Variants in DIP2C observed in about 807,000 individuals in gnomAD.
The protein encoded by DIP2C is DIP2 acetate--CoA ligase C (putative).
DIP2C carries 33 observed loss-of-function variants against 192.4 expected under a neutral mutation model. The observed-to-expected ratio is 0.17, with a 90% CI of 0.13 to 0.23. DIP2C has a LOEUF of 0.23. DIP2C is among the 10% of genes least tolerant of loss of function. The probability of loss-of-function intolerance (pLI) is 1.00; values close to 1 mark genes in which losing one functional copy is unlikely to be tolerated. For synonymous variants in DIP2C, 979 were observed against 864.1 expected (o/e 1.13, Z -2.33); for missense variants, 1,537 against 2,110.1 (o/e 0.73, Z 5.32).
Position 281,328 on chromosome 10 carries a change from G to A in DIP2C, c.4295-5C>T. On this transcript the variant is annotated splice_polypyrimidine_tract_variant and splice_region_variant and intron_variant, in intron 35 of 36. Transcript: ENST00000280886. ...CGTAGAGGGCATCATGGCGCTCTGT[G>A]GAGTAATGACAGCCTGCGTAAGCTT... 6.2e-7 allele frequency: 1 copy of A among 1,606,150 alleles called. No homozygotes were observed. The highest frequency in any genetic ancestry group is 1.1e-5 in the South Asian group (1 of 90,646).
Position 480,847 on chromosome 10 carries a change from G to A in DIP2C, c.157+5612C>T, listed in dbSNP as rs376813772. On this transcript the variant is annotated intron_variant, in intron 2 of 36. Coordinates refer to ENST00000280886, the MANE Select transcript of DIP2C (RefSeq NM_014974.3). The stretch of plus-strand genomic sequence containing the variant: ...GGAGCACGGCTGATCTGGAACACAG[G>A]TGATTCACCTGTCACTACAGCAACG... 5.9e-5 allele frequency among the ~76,000 whole-genome samples: 9 copies of A among 152,344 alleles called. No homozygotes were observed. The East Asian group carries it at 1.2e-3, about 20-fold the overall frequency.
intron 1 of DIP2C, among the ~76,000 whole-genome samples, chr10:534,372 A>G (rs2130873813): frequency 6.6e-6 from 1 of 152,358 alleles, no homozygotes; most frequent in Non-Finnish European, 1.5e-5. Flanking sequence ...GGAGGGAAGC[A>G]GCCTGGGTCC....
chr10:383,159 C>T (rs1486501113), intron 16 of DIP2C, among the ~76,000 whole-genome samples: 2 of 152,150 alleles, frequency 1.3e-5, no homozygotes, highest in African/African-American at 4.8e-5. Flanking sequence ...AAACTATCTC[C>T]AAATATAGAT....
chr10:414,731 G>GTATATATATA (rs1469907667), intron 7 of DIP2C, among the ~76,000 whole-genome samples: 1 of 63,824 alleles, frequency 1.6e-5, no homozygotes, highest in Admixed American at 1.8e-4. Flanking sequence ...GTGTGTGTGT[G>GTATATATATA]TGTGTGTGTA....
intron 31 of DIP2C, chr10:324,906 T>C (rs1179320520): frequency 1.9e-6 from 1 of 531,544 alleles, no homozygotes; most frequent in Non-Finnish European, 3.9e-6. Context: ...ATCTCCATGT[T>C]TTGGTTCTTT....
chr10:349,255 C>G (rs1389398962), intron 25 of DIP2C, 76 bp downstream of exon 25: 2 of 1,543,734 alleles, frequency 1.3e-6, no homozygotes, highest in Non-Finnish European at 1.7e-6. Flanking sequence ...CAGGCACCAG[C>G]GGGTGTAAGG....
intron 1 of DIP2C, among the ~76,000 whole-genome samples, chr10:487,571 T>A (rs866937330): frequency 2.1e-5 from 2 of 95,544 alleles, no homozygotes; most frequent in Non-Finnish European, 4.3e-5. Context: ...ATGAGTGTTT[T>A]TTTTTTTTTT....
chr10:379,461 T>C lies in DIP2C; in HGVS notation c.1991+3186A>G, dbSNP rs117697875. Among the ~76,000 whole-genome samples the C allele has an allele frequency of 6.1e-3, 927 of 152,200 alleles. 4 individuals carry two copies. The highest frequency in any genetic ancestry group is 0.014 in the Middle Eastern group (4 of 294). ...CTCCACAGCCAGTGGGCTGTGGGCA[T>C]CCCTGTCAGACCTGGGGCTCTTGAA... On this transcript the variant is annotated intron_variant, in intron 17 of 36. Transcript: ENST00000280886.
At chr10:494,300 T>C (rs1456223218) in intron 1 of DIP2C, among the ~76,000 whole-genome samples, 1 of 152,168 alleles carries the variant, frequency 6.6e-6, no homozygotes, top group Non-Finnish European at 1.5e-5. Context: ...GACATCTCTG[T>C]CAACAGAGCT....
At position 399,101 on chromosome 10, in the gene DIP2C, T is replaced by C. The variant is rs1964211698; in HGVS notation, c.1260+8A>G. On this transcript the variant is annotated splice_region_variant and intron_variant, in intron 10 of 36. Transcript: ENST00000280886. Reference sequence around the variant, plus strand: ...AGCGAGAAACCGAGCAAAGGGCGCATTCCTTACCTTCCTGGTGAGCGGCAC... The same window carrying C: ...AGCGAGAAACCGAGCAAAGGGCGCACTCCTTACCTTCCTGGTGAGCGGCAC... The C allele has an allele frequency of 6.2e-7, 1 of 1,611,410 alleles. No homozygotes were observed. The highest frequency in any genetic ancestry group is 2.2e-5 in the East Asian group (1 of 44,860).
intron 36 of DIP2C, among the ~76,000 whole-genome samples, chr10:278,840 C>A (rs1954662944): frequency 6.6e-6 from 1 of 152,088 alleles, no homozygotes; most frequent in Non-Finnish European, 1.5e-5. Context: ...ATTCACAGAG[C>A]CTGGTACTTG....
intron 1 of DIP2C, among the ~76,000 whole-genome samples, chr10:546,629 C>T (rs1010066362): frequency 6.6e-6 from 1 of 152,242 alleles, no homozygotes; most frequent in African/African-American, 2.4e-5. Flanking sequence ...CTGTCTGCAA[C>T]GCAGAGTCTG....
At chr10:405,061 A>G (rs901943648) in intron 9 of DIP2C, among the ~76,000 whole-genome samples, 1 of 152,256 alleles carries the variant, frequency 6.6e-6, no homozygotes, top group African/African-American at 2.4e-5. Context: ...AGTTCCATCC[A>G]AAACTGATGG....
intron 1 of DIP2C, among the ~76,000 whole-genome samples, chr10:540,021 T>C (rs1459011079): frequency 6.6e-6 from 1 of 152,242 alleles, no homozygotes; most frequent in African/African-American, 2.4e-5. Flanking sequence ...ACTTTTCACA[T>C]GGTTTCTAGA....
chr10:444,466 C>G (rs190116151), intron 3 of DIP2C, among the ~76,000 whole-genome samples: 5 of 151,820 alleles, frequency 3.3e-5, no homozygotes, highest in Non-Finnish European at 7.4e-5. Context: ...ATGGAGCCCA[C>G]GCCATGGTGT....
In DIP2C at chr10:514,819, T is replaced by G. The variant is rs76921834; in HGVS notation, c.86-28289A>C. 1.2e-4 allele frequency among the ~76,000 whole-genome samples: 19 copies of G among 152,280 alleles called. No homozygotes were observed. The East Asian group carries it at 3.7e-3, about 29-fold the overall frequency. ...GGGGCTTTATGCCTAGGAGTCTCAA[T>G]ATCAGAATGTCGGATTCCTGTGCTT... is the stretch of plus-strand genomic sequence containing the variant. On this transcript the variant is annotated intron_variant, in intron 1 of 36. Coordinates refer to ENST00000280886, the MANE Select transcript of DIP2C (RefSeq NM_014974.3).
chr10:438,531 C>T (rs1034195239), intron 4 of DIP2C, among the ~76,000 whole-genome samples: 3 of 152,056 alleles, frequency 2.0e-5, no homozygotes, highest in Non-Finnish European at 4.4e-5. Context: ...CCTCTGTTGC[C>T]CAGGCTGCAG....
chr10:378,011 G>A (rs893847096), intron 17 of DIP2C, among the ~76,000 whole-genome samples: 8 of 152,120 alleles, frequency 5.3e-5, no homozygotes, highest in African/African-American at 1.9e-4. Flanking sequence ...TTCTAGAGAT[G>A]GTAACAGAGT....
At chr10:512,834 A>G (rs1299210009) in intron 1 of DIP2C, among the ~76,000 whole-genome samples, 2 of 147,910 alleles carry the variant, frequency 1.4e-5, no homozygotes, top group African/African-American at 5.0e-5. Context: ...GAATCACTTC[A>G]GCCTGGGAGG....
Sources: allele counts gnomAD v4.1 joint callset (sites outside exome capture counted in the v4.1 genomes callset), GRCh38; gene constraint gnomAD v4.1.1; transcripts MANE v1.5; gene names NCBI Gene and HGNC (gene_info 2026-07-23, HGNC 2026-07-21).